Variants in SMYD3 observed in about 807,000 individuals in gnomAD.
SMYD3 encodes the protein histone-lysine N-methyltransferase SMYD3.
In SMYD3, 36 loss-of-function variants were observed where a neutral mutation model predicts 57.7. That is an observed-to-expected ratio of 0.62 (90% confidence interval 0.48 to 0.82). The LOEUF is 0.82. Among genes scored for constraint, SMYD3 ranks in the 40% least tolerant of loss-of-function variants. SMYD3 has a pLI of 0.00. For missense variants in SMYD3, 515 were observed against 538.8 expected (o/e 0.96, Z 0.44); for synonymous variants, 211 against 195.0 (o/e 1.08, Z -0.68).
At chr1:246,288,850 C>T (rs12057531) in intron 5 of SMYD3, among the ~76,000 whole-genome samples, 15,144 of 152,172 alleles carry the variant, frequency 0.1, 1,458 homozygotes, top group African/African-American at 0.24. Context: ...CGGTGACTCA[C>T]GCCTGTAATC....
intron 10 of SMYD3, among the ~76,000 whole-genome samples, chr1:245,813,608 C>T (rs1406146758): frequency 1.3e-5 from 2 of 152,186 alleles, no homozygotes; most frequent in Non-Finnish European, 1.5e-5. Flanking sequence ...AACTAATCTA[C>T]TTCACCTTTA....
intron 5 of SMYD3, among the ~76,000 whole-genome samples, chr1:246,116,334 G>A (rs2061342501): frequency 6.6e-6 from 1 of 151,998 alleles, no homozygotes; most frequent in Admixed American, 6.6e-5. Context: ...ATCACATTGA[G>A]GAGGTTTCTT....
At chr1:245,787,087 C>A (rs75488825) in intron 10 of SMYD3, among the ~76,000 whole-genome samples, 1 of 152,210 alleles carries the variant, frequency 6.6e-6, no homozygotes, top group Non-Finnish European at 1.5e-5. Context: ...ATCTTTACAA[C>A]GCCTTCTTCC....
At chr1:245,826,650 A>G (rs543249285) in intron 10 of SMYD3, among the ~76,000 whole-genome samples, 1 of 152,360 alleles carries the variant, frequency 6.6e-6, no homozygotes, top group South Asian at 2.1e-4. Flanking sequence ...TGCTATGAAG[A>G]ACTGCCTGAG....
rs187852309 is a variant in SMYD3 at position 246,066,092 on chromosome 1, C to T, written c.532-136155G>A. On this transcript the variant is annotated intron_variant, in intron 5 of 11. Coordinates refer to ENST00000490107, the MANE Select transcript of SMYD3 (RefSeq NM_001167740.2). The stretch of plus-strand genomic sequence containing the variant: ...GACAGTACATGCAGAGTTTTAAAAA[C>T]CTTAAGGAAGATTAAAAGCTCGTCA... Among the ~76,000 whole-genome samples, 485 of 152,292 alleles carry T rather than the reference C, an allele frequency of 3.2e-3. 6 individuals carry two copies. Among genetic ancestry groups the T allele is most frequent in the African/African-American group, 0.011 (474 of 41,566 alleles).
chr1:246,064,589 G>T (rs542933984), intron 5 of SMYD3, among the ~76,000 whole-genome samples: 1 of 152,186 alleles, frequency 6.6e-6, no homozygotes, highest in Non-Finnish European at 1.5e-5. Context: ...CCACTGCACT[G>T]CAATTTCAGT....
chr1:246,041,980 C>T (rs2059885112), intron 5 of SMYD3, among the ~76,000 whole-genome samples: 1 of 152,134 alleles, frequency 6.6e-6, no homozygotes. Context: ...GGTTTTATTG[C>T]TTTCATTTCA....
intron 10 of SMYD3, among the ~76,000 whole-genome samples, chr1:245,812,731 G>A (rs914514463): frequency 1.7e-4 from 23 of 136,684 alleles, no homozygotes; most frequent in African/African-American, 6.4e-4. Context: ...AAGAGCGAGC[G>A]AGAGAGACAG....
chr1:246,334,474 C>G (rs932798237), intron 3 of SMYD3, among the ~76,000 whole-genome samples: 2 of 152,156 alleles, frequency 1.3e-5, no homozygotes, highest in African/African-American at 4.8e-5. Context: ...AAACCAAATA[C>G]CACAGGTTTT....
intron 8 of SMYD3, among the ~76,000 whole-genome samples, chr1:245,890,054 A>C (rs1339964871): frequency 6.6e-6 from 1 of 151,190 alleles, no homozygotes; most frequent in Non-Finnish European, 1.5e-5. Flanking sequence ...CTAGATTTCT[A>C]TCTCTCACTA....
chr1:245,932,644 C>T (rs376391140), intron 5 of SMYD3, among the ~76,000 whole-genome samples: 2 of 152,134 alleles, frequency 1.3e-5, no homozygotes, highest in African/African-American at 2.4e-5. Flanking sequence ...ACTGCAGCCT[C>T]GAACTCCGGA....
chr1:245,918,995 G>T (rs1224685916), intron 7 of SMYD3, among the ~76,000 whole-genome samples: 1 of 152,164 alleles, frequency 6.6e-6, no homozygotes, highest in East Asian at 1.9e-4. Context: ...ATCTTGTCAG[G>T]CAGTGAATGG....
At chr1:246,000,474 C>T (rs907223914) in intron 5 of SMYD3, among the ~76,000 whole-genome samples, 1 of 152,128 alleles carries the variant, frequency 6.6e-6, no homozygotes, top group Non-Finnish European at 1.5e-5. Context: ...CTGCAGGGGG[C>T]GTCCACCTTC....
At chr1:246,176,356 C>T (rs2062433874) in intron 5 of SMYD3, among the ~76,000 whole-genome samples, 1 of 152,028 alleles carries the variant, frequency 6.6e-6, no homozygotes, top group African/African-American at 2.4e-5. Flanking sequence ...TCTTCAGAGC[C>T]CTTGGCAGAA....
chr1:246,282,340 A>AAAAAAAAAAT (rs2064466973), intron 5 of SMYD3, among the ~76,000 whole-genome samples: 1 of 120,706 alleles, frequency 8.3e-6, no homozygotes, highest in African/African-American at 3.4e-5. Flanking sequence ...AAAAAAAAAA[A>AAAAAAAAAAT]GCAAAAAAAT....
In SMYD3 at chr1:245,863,951, C is replaced by G. The variant is rs111662134; in HGVS notation, c.814-65G>C. ...TAATAGGCAAAGGACGTGAATAGAC[C>G]TTTCTCCCAGATATACAAATGGCCT... On this transcript the variant is annotated intron_variant, in intron 8 of 11. Coordinates refer to ENST00000490107, the MANE Select transcript of SMYD3 (RefSeq NM_001167740.2). 31 of 1,444,508 alleles carry G rather than the reference C, an allele frequency of 2.1e-5. No individual in the cohort carries two copies. In the African/African-American group the frequency reaches 3.6e-4, roughly 17 times the overall value. The allele number at this position is 1,444,508 out of a possible 1,614,324, so 89.5% of individuals were successfully genotyped here.
At chr1:245,915,487 A>AT (rs762396175) in intron 8 of SMYD3, 43 bp downstream of exon 8, 1 of 1,267,810 alleles carries the variant, frequency 7.9e-7, no homozygotes, top group South Asian at 1.3e-5. Context: ...GATCATTGAG[A>AT]TTTTGCCGTG....
chr1:246,245,305 T>C (rs2063684111), intron 5 of SMYD3, among the ~76,000 whole-genome samples: 1 of 151,928 alleles, frequency 6.6e-6, no homozygotes, highest in Non-Finnish European at 1.5e-5. Context: ...TAGCTAAGTG[T>C]GGTGGCACAT....
intron 10 of SMYD3, among the ~76,000 whole-genome samples, chr1:245,838,457 G>A (rs1020735336): frequency 6.6e-6 from 1 of 152,256 alleles, no homozygotes; most frequent in Non-Finnish European, 1.5e-5. Flanking sequence ...CCACCTCCTA[G>A]ATGTGTGGCT....
Sources: gnomAD v4.1 joint callset for allele counts (sites outside exome capture counted in the v4.1 genomes callset) on GRCh38, gnomAD v4.1.1 for gene constraint, MANE v1.5 for transcripts, NCBI Gene and HGNC (gene_info 2026-07-23, HGNC 2026-07-21) for gene names.